The following SCN7A variants were observed in gnomAD, a reference collection of about 807,000 sequenced individuals.
SCN7A encodes sodium channel protein type 7 subunit alpha.
In SCN7A, 138 loss-of-function variants were observed where a neutral mutation model predicts 155.2. The ratio of observed to expected loss-of-function variants is 0.89; its 90% CI spans 0.77 to 1.02. The LOEUF (loss-of-function observed/expected upper bound fraction) is 1.02, where lower values mean the gene tolerates loss of function less well. Among genes scored for constraint, SCN7A ranks in the 50% least tolerant of loss-of-function variants. The pLI, the probability that SCN7A is intolerant of heterozygous loss-of-function variation, is 0.00. For missense variants in SCN7A, 2,058 were observed against 1,986.6 expected (o/e 1.04, Z -0.68); for synonymous variants, 693 against 649.0 (o/e 1.07, Z -1.03).
chr2:166,433,515 CA>C (rs1701776119), intron 15 of SCN7A, among the ~76,000 whole-genome samples: 1 of 152,034 alleles, frequency 6.6e-6, no homozygotes. Flanking sequence ...TTCTCTTTTA[CA>C]GATGAAAAAG....
At chr2:166,407,133 T>C (rs567294270) in intron 25 of SCN7A, among the ~76,000 whole-genome samples, 1 of 152,128 alleles carries the variant, frequency 6.6e-6, no homozygotes, top group Non-Finnish European at 1.5e-5. Context: ...AAGACAGAAA[T>C]TGATAAATAT....
intron 3 of SCN7A, among the ~76,000 whole-genome samples, chr2:166,475,119 T>TATATATATATATATATAC (rs763878028): frequency 7.7e-6 from 1 of 130,168 alleles, no homozygotes; most frequent in Non-Finnish European, 1.6e-5. Flanking sequence ...TATATATATA[T>TATATATATATATATATAC]ACATATATAT....
At chr2:166,471,187 G>A (rs909529340) in intron 6 of SCN7A, among the ~76,000 whole-genome samples, 4 of 151,834 alleles carry the variant, frequency 2.6e-5, no homozygotes, top group African/African-American at 9.7e-5. Flanking sequence ...TGTTGTTTAA[G>A]GGCACAGACT....
Position 166,412,420 on chromosome 2 carries a change from A to G in SCN7A, c.3606+110T>C, listed in dbSNP as rs996379982. 5 of 1,148,344 alleles carry G rather than the reference A, an allele frequency of 4.4e-6. No homozygotes were observed. In the African/African-American group the frequency reaches 8.1e-5, roughly 19 times the overall value. 71.1% of individuals were successfully genotyped at this position (1,148,344 alleles called of 1,614,324 possible). ...TTTTTAAGATACATGTCAAATAAAA[A>G]TGACATTAAGCTGAATCCAAAGCCA... On this transcript the variant is annotated intron_variant, in intron 23 of 25. Transcript: ENST00000643258.
intron 1 of SCN7A, among the ~76,000 whole-genome samples, chr2:166,488,420 T>A (rs1389860205): frequency 6.6e-6 from 1 of 152,132 alleles, no homozygotes; most frequent in Non-Finnish European, 1.5e-5. Context: ...ATGAGGAAGA[T>A]GACTGAAGCT....
At chr2:166,422,207 G>A (rs1240149408) in intron 19 of SCN7A, among the ~76,000 whole-genome samples, 2 of 152,022 alleles carry the variant, frequency 1.3e-5, no homozygotes, top group Non-Finnish European at 2.9e-5. Flanking sequence ...ATAGAATAGA[G>A]AGCCATTCAT....
At chr2:166,478,768 T>C (rs1268348280) in intron 2 of SCN7A, among the ~76,000 whole-genome samples, 1 of 152,060 alleles carries the variant, frequency 6.6e-6, no homozygotes, top group Non-Finnish European at 1.5e-5. Flanking sequence ...ATTCTATCTT[T>C]GGGGTACTCT....
chr2:166,415,894 G>T (rs1201779182), intron 21 of SCN7A, among the ~76,000 whole-genome samples: 2 of 152,084 alleles, frequency 1.3e-5, no homozygotes, highest in Admixed American at 6.6e-5. Flanking sequence ...ATTGCCTGCG[G>T]GGTTGGGCAA....
At chr2:166,420,333 G>T (rs1001731972) in intron 20 of SCN7A, among the ~76,000 whole-genome samples, 2 of 151,888 alleles carry the variant, frequency 1.3e-5, no homozygotes, top group African/African-American at 4.8e-5. Flanking sequence ...CCATAGCAAT[G>T]AATATGTGAT....
intron 2 of SCN7A, among the ~76,000 whole-genome samples, chr2:166,484,640 T>C (rs1703005858): frequency 1.3e-5 from 2 of 151,984 alleles, no homozygotes; most frequent in Non-Finnish European, 1.5e-5. Flanking sequence ...ATGGCTCAAA[T>C]ACTATTAAGG....
chr2:166,414,472 T>C (rs1028193324), intron 21 of SCN7A: 7 of 138,978 alleles, frequency 5.0e-5, no homozygotes, highest in Admixed American at 4.8e-4. Flanking sequence ...GATATATATA[T>C]ATATATATAT....
intron 24 of SCN7A, 23 bp from the exon 25 acceptor site, chr2:166,409,958 T>C (rs2105362643): frequency 6.6e-7 from 1 of 1,525,376 alleles, no homozygotes; most frequent in Non-Finnish European, 8.8e-7. Context: ...TCAACAGGTG[T>C]AATAGTCTTA....
intron 20 of SCN7A, among the ~76,000 whole-genome samples, chr2:166,420,764 T>C (rs1187235550): frequency 6.6e-6 from 1 of 152,018 alleles, no homozygotes; most frequent in Non-Finnish European, 1.5e-5. Context: ...AAATTTATCT[T>C]AAAATTCAAA....
At chr2:166,470,080 G>T (rs1441479435) in intron 7 of SCN7A, among the ~76,000 whole-genome samples, 1 of 151,808 alleles carries the variant, frequency 6.6e-6, no homozygotes, top group East Asian at 1.9e-4. Flanking sequence ...AATGTCTTTA[G>T]AAATGGGAGC....
chr2:166,432,194 A>C (rs1037276790), intron 16 of SCN7A, 124 bp downstream of exon 16: 13 of 687,322 alleles, frequency 1.9e-5, no homozygotes, highest in Admixed American at 8.8e-5. Context: ...AGAGTGATGG[A>C]GCTAGGAGTG....
chr2:166,406,710 T>C lies in SCN7A; in HGVS notation c.3983-64A>G, dbSNP rs1701085045. The C allele has an allele frequency of 2.8e-6, 3 of 1,089,962 alleles. No individual in the cohort carries two copies. The East Asian group carries it at 7.2e-5, about 26-fold the overall frequency. 67.5% of individuals were successfully genotyped at this position (1,089,962 alleles called of 1,614,324 possible). On this transcript the variant is annotated intron_variant, in intron 25 of 25. Coordinates refer to ENST00000643258, the MANE Select transcript of SCN7A (RefSeq NM_002976.4). ...AAACACAATAGTATTTTGAGGACTA[T>C]AAATTATTTTACACTTAATTGTTTT...
In SCN7A at chr2:166,432,816, G is replaced by A. The variant is rs1701762928; in HGVS notation, c.2158-64C>T. The A allele has an allele frequency of 9.7e-6, 12 of 1,237,798 alleles. No homozygotes were observed. In the African/African-American group the frequency reaches 1.5e-4, roughly 16 times the overall value. 76.7% of individuals were successfully genotyped at this position (1,237,798 alleles called of 1,614,324 possible). A position where few individuals can be genotyped will look rare whatever the true frequency, so the allele number is the denominator to read the frequency against. Reference sequence around the variant, plus strand: ...TTTGTTTCATTTTAAGTAATGAAAAGTTTGTTTACAAAACTGATGAGAACA... The same window carrying A: ...TTTGTTTCATTTTAAGTAATGAAAAATTTGTTTACAAAACTGATGAGAACA... On this transcript the variant is annotated intron_variant, in intron 15 of 25. Transcript: ENST00000643258.
chr2:166,456,921 T>C lies in SCN7A; in HGVS notation c.1239A>G (p.Pro413=). The C allele has an allele frequency of 6.4e-7, 1 of 1,562,298 alleles. No homozygotes were observed. The highest frequency in any genetic ancestry group is 8.7e-7 in the Non-Finnish European group (1 of 1,152,452). The change falls in exon 11 of 26, where the codon CCA becomes CCG. Residue 413 remains proline, a synonymous_variant. Transcript: ENST00000643258. ...RVGEISKKIE[P]KFQQTGKELQ... ...GTTCTTTTCCAGTCTGTTGAAATTTTGGTTCAATCTTCTTAGATATTTCAC... is the reference window on the plus strand; with the variant it reads ...GTTCTTTTCCAGTCTGTTGAAATTTCGGTTCAATCTTCTTAGATATTTCAC...
At chr2:166,478,309 A>G (rs1345240225) in intron 2 of SCN7A, among the ~76,000 whole-genome samples, 3 of 149,632 alleles carry the variant, frequency 2.0e-5, no homozygotes, top group Admixed American at 6.7e-5. Flanking sequence ...TAAAAAATAT[A>G]TATAATATAT....
Sources: allele counts gnomAD v4.1 joint callset (sites outside exome capture counted in the v4.1 genomes callset), GRCh38; gene constraint gnomAD v4.1.1; transcripts MANE v1.5; gene names NCBI Gene and HGNC (gene_info 2026-07-23, HGNC 2026-07-21).